MAPKAP1: variants seen among roughly 807,000 people sequenced by gnomAD.
MAPKAP1 encodes the protein target of rapamycin complex 2 subunit MAPKAP1.
In MAPKAP1, 20 loss-of-function variants were observed where a neutral mutation model predicts 65.7. That is an observed-to-expected ratio of 0.30 (90% CI 0.21 to 0.44). The LOEUF (loss-of-function observed/expected upper bound fraction) is 0.44. Among genes scored for constraint, MAPKAP1 ranks in the 20% least tolerant of loss-of-function variants. The pLI is 1.00. For synonymous variants in MAPKAP1, 222 were observed against 244.3 expected (o/e 0.91, Z 0.85); for missense variants, 423 against 648.0 (o/e 0.65, Z 3.77).
intron 7 of MAPKAP1, among the ~76,000 whole-genome samples, chr9:125,525,540 G>C: frequency 6.6e-6 from 1 of 152,128 alleles, no homozygotes; most frequent in East Asian, 1.9e-4. Flanking sequence ...GGGTGCGGTG[G>C]CGCATGCCTG....
At chr9:125,464,843 A>G (rs1187787307) in intron 10 of MAPKAP1, among the ~76,000 whole-genome samples, 3 of 152,246 alleles carry the variant, frequency 2.0e-5, no homozygotes, top group Non-Finnish European at 2.9e-5. Context: ...TATGGCATCA[A>G]TTAAACTTGA....
At chr9:125,441,056 T>G (rs1852462696) in intron 11 of MAPKAP1, among the ~76,000 whole-genome samples, 2 of 152,242 alleles carry the variant, frequency 1.3e-5, no homozygotes, top group African/African-American at 4.8e-5. Context: ...CCCTTTGCTC[T>G]GCCATTAGCT....
Position 125,542,900 on chromosome 9 carries a change from C to T in MAPKAP1, c.958+159G>A, listed in dbSNP as rs1164627115. On this transcript the variant is annotated intron_variant, in intron 7 of 11. Coordinates refer to ENST00000265960, the MANE Select transcript of MAPKAP1 (RefSeq NM_001006617.3). ...CCAGTCCCTTTCTGAGGCCGAGGGG[C>T]AGTGTACAATCACCTTTTCTTGCAT... 3.9e-6 allele frequency: 3 copies of T among 762,526 alleles called. No individual in the cohort carries two copies. The African/African-American group carries it at 5.1e-5, about 13-fold the overall frequency. 47.2% of individuals were successfully genotyped at this position (762,526 alleles called of 1,614,324 possible).
chr9:125,571,844 C>T (rs189315092), intron 5 of MAPKAP1, among the ~76,000 whole-genome samples: 24 of 152,192 alleles, frequency 1.6e-4, no homozygotes, highest in Admixed American at 2.6e-4. Context: ...GCCTGCTCGA[C>T]GGGAGCGAGA....
chr9:125,627,503 G>A (rs1209901145), intron 4 of MAPKAP1, among the ~76,000 whole-genome samples: 2 of 152,166 alleles, frequency 1.3e-5, no homozygotes, highest in Non-Finnish European at 2.9e-5. Context: ...CAGAGAGAGT[G>A]GGATGGGAAC....
intron 7 of MAPKAP1, among the ~76,000 whole-genome samples, chr9:125,518,219 T>C (rs560123322): frequency 6.6e-6 from 1 of 152,290 alleles, no homozygotes; most frequent in South Asian, 2.1e-4. Flanking sequence ...CATTTACCAG[T>C]AGGAAACTAT....
chr9:125,560,018 G>A (rs1830846484), intron 5 of MAPKAP1, among the ~76,000 whole-genome samples: 1 of 152,088 alleles, frequency 6.6e-6, no homozygotes. Flanking sequence ...TGAAATGAAG[G>A]TCTTTATACT....
chr9:125,558,679 T>A (rs1830807999), intron 6 of MAPKAP1, among the ~76,000 whole-genome samples: 1 of 152,146 alleles, frequency 6.6e-6, no homozygotes, highest in Admixed American at 6.5e-5. Flanking sequence ...TGAGAAGGAC[T>A]GCTGAGGCCT....
intron 1 of MAPKAP1, among the ~76,000 whole-genome samples, chr9:125,705,998 G>T (rs1354581523): frequency 6.6e-6 from 1 of 152,182 alleles, no homozygotes; most frequent in African/African-American, 2.4e-5. Context: ...GGGACACACA[G>T]TAGTTGAAGG....
At chr9:125,630,202 C>T (rs561637219) in intron 4 of MAPKAP1, among the ~76,000 whole-genome samples, 5 of 152,278 alleles carry the variant, frequency 3.3e-5, no homozygotes, top group East Asian at 3.9e-4. Flanking sequence ...CACAGCTCAC[C>T]GCAGCCTCGA....
chr9:125,509,667 G>A (rs1019848444), intron 7 of MAPKAP1, among the ~76,000 whole-genome samples: 5 of 152,064 alleles, frequency 3.3e-5, no homozygotes, highest in Non-Finnish European at 7.4e-5. Flanking sequence ...ACAGACTGTC[G>A]GGCTTCTCAA....
Position 125,595,717 on chromosome 9 carries a change from C to T in MAPKAP1, c.499-9990G>A, listed in dbSNP as rs1306726828. ...AGCCGGAACAGCTAAGGAATCTCTT[C>T]ATTGGAGGGTTGAGCTTTGAAACAA... On this transcript the variant is annotated intron_variant, in intron 4 of 11. Coordinates refer to ENST00000265960, the MANE Select transcript of MAPKAP1 (RefSeq NM_001006617.3). This position sits in a 1 kb window ranked among gnomAD's most constrained non-coding sequence, Gnocchi z 4.0. The T allele has an allele frequency of 1.3e-6, 2 of 1,551,162 alleles. No homozygotes were observed. Among genetic ancestry groups the T allele is most frequent in the African/African-American group, 1.4e-5 (1 of 73,770 alleles).
chr9:125,667,770 G>C (rs1010645387), intron 3 of MAPKAP1, among the ~76,000 whole-genome samples: 1 of 152,044 alleles, frequency 6.6e-6, no homozygotes, highest in Non-Finnish European at 1.5e-5. Context: ...GCAAATAAAG[G>C]GTGGCTGGAG....
intron 1 of MAPKAP1, among the ~76,000 whole-genome samples, chr9:125,695,399 G>A (rs537167953): frequency 6.6e-6 from 1 of 152,172 alleles, no homozygotes; most frequent in African/African-American, 2.4e-5. Flanking sequence ...ATGACAACAT[G>A]GTCACCTCTT....
At chr9:125,449,963 C>T (rs1852880967) in intron 10 of MAPKAP1, among the ~76,000 whole-genome samples, 1 of 152,026 alleles carries the variant, frequency 6.6e-6, no homozygotes, top group Non-Finnish European at 1.5e-5. Context: ...CACTCTGTCA[C>T]CCAGGCTGGA....
intron 4 of MAPKAP1, among the ~76,000 whole-genome samples, chr9:125,635,451 T>C (rs1490652950): frequency 1.3e-5 from 2 of 152,206 alleles, no homozygotes; most frequent in Admixed American, 6.5e-5. Flanking sequence ...TTCCACCCTA[T>C]GTTCAGGCTG....
chr9:125,605,875 G>A (rs1832426040), intron 4 of MAPKAP1, among the ~76,000 whole-genome samples: 1 of 152,236 alleles, frequency 6.6e-6, no homozygotes, highest in South Asian at 2.1e-4. Context: ...TAAGTAGGGA[G>A]CTACATTAAA....
chr9:125,445,283 G>A (rs1292942685), intron 10 of MAPKAP1, among the ~76,000 whole-genome samples: 1 of 152,212 alleles, frequency 6.6e-6, no homozygotes, highest in Non-Finnish European at 1.5e-5. Context: ...TGTCATTTCT[G>A]GGACTGCTTC....
intron 7 of MAPKAP1, among the ~76,000 whole-genome samples, chr9:125,534,746 G>A (rs1219947195): frequency 6.6e-6 from 1 of 151,666 alleles, no homozygotes; most frequent in Non-Finnish European, 1.5e-5. Flanking sequence ...ATACGGACAT[G>A]ACCTAGCCCC....
Sources: allele counts gnomAD v4.1 joint callset (sites outside exome capture counted in the v4.1 genomes callset), GRCh38; gene constraint gnomAD v4.1.1; non-coding constraint Gnocchi (gnomAD v3.1); transcripts MANE v1.5; gene names NCBI Gene and HGNC (gene_info 2026-07-23, HGNC 2026-07-21).